RPA2: variants seen among roughly 807,000 people sequenced by gnomAD.
RPA2 encodes the protein replication protein A2.
Under a neutral mutation model 33.4 loss-of-function variants are expected in RPA2, and 22 were observed. That is an observed-to-expected ratio of 0.66 (90% CI 0.47 to 0.94). The LOEUF is 0.94. Among genes scored for constraint, RPA2 ranks in the 40% least tolerant of loss-of-function variants. RPA2 has a pLI of 0.00. For synonymous variants in RPA2, 109 were observed against 114.9 expected (o/e 0.95, Z 0.33); for missense variants, 279 against 329.9 (o/e 0.85, Z 1.19).
At chr1:27,902,180 A>G (rs1051362546) in intron 4 of RPA2, among the ~76,000 whole-genome samples, 2 of 152,008 alleles carry the variant, frequency 1.3e-5, no homozygotes, top group African/African-American at 4.8e-5. Flanking sequence ...TCCATCTCCC[A>G]GGCTCAAGCA....
chr1:27,897,080 C>T lies in RPA2; in HGVS notation c.450G>A (p.Glu150=), dbSNP rs1381582098. 1.2e-6 allele frequency: 2 copies of T among 1,613,852 alleles called. No individual in the cohort carries two copies. The highest frequency in any genetic ancestry group is 1.6e-4 in the Middle Eastern group (1 of 6,062). ...SLVAFKIMPL[E]DMNEFTTHIL... is the part of the protein sequence containing the mutation. ...TATGTGTGGTGAACTCATTCATATC[C>T]TCCAGGGGCATGATCTTAAAGGCTA... Residue 150 remains glutamate, a synonymous_variant, in exon 6 of 9, where the codon GAG becomes GAA. Coordinates refer to ENST00000373912, the MANE Select transcript of RPA2 (RefSeq NM_002946.5).
chr1:27,914,092 G>A lies in RPA2; in HGVS notation c.88C>T (p.Pro30Ser), dbSNP rs199857202. The A allele has an allele frequency of 6.9e-6, 11 of 1,605,426 alleles. No individual in the cohort carries two copies. Among genetic ancestry groups the A allele is most frequent in the Non-Finnish European group, 9.3e-6 (11 of 1,176,694 alleles). The change falls in exon 2 of 9, where the codon CCC (proline) becomes TCC (serine). Residue 30 changes from proline to serine, a missense_variant. Transcript: ENST00000373912. ...TTCTTTTCGGCTTGAGAAGGTGCGGGCGATCCAAAGCCCCCCGGGGACTGC... is the reference window on the plus strand; with the variant it reads ...TTCTTTTCGGCTTGAGAAGGTGCGGACGATCCAAAGCCCCCCGGGGACTGC... ...YTQSPGGFGS[P>S]APSQAEKKSR...
At chr1:27,894,419 C>T in intron 6 of RPA2, 22 bp from the exon 7 acceptor site, 2 of 1,592,248 alleles carry the variant, frequency 1.3e-6, no homozygotes, top group South Asian at 2.2e-5. Flanking sequence ...AATAAGTTAG[C>T]AATATTAGAA....
At chr1:27,912,140 G>C (rs2090104831) in intron 2 of RPA2, among the ~76,000 whole-genome samples, 1 of 151,958 alleles carries the variant, frequency 6.6e-6, no homozygotes, top group South Asian at 2.1e-4. Flanking sequence ...AAATATACCA[G>C]AATATCATTG....
In RPA2 at chr1:27,904,845, T is replaced by G. The variant is rs531018126; in HGVS notation, c.333+2083A>C. Among the ~76,000 whole-genome samples the G allele has an allele frequency of 3.5e-4, 53 of 151,944 alleles. 1 individual carries two copies. Among genetic ancestry groups the G allele is most frequent in the African/African-American group, 1.2e-3 (48 of 41,414 alleles). ...TTTTGTATCATTAGTAGAGATGGAG[T>G]TTCATCACGTTGGCCAGGCTGGTTT... On this transcript the variant is annotated intron_variant, in intron 4 of 8. Transcript: ENST00000373912.
At chr1:27,896,966 C>T in intron 6 of RPA2, 39 bp downstream of exon 6, 1 of 1,477,160 alleles carries the variant, frequency 6.8e-7, no homozygotes, top group Non-Finnish European at 9.4e-7. Flanking sequence ...CTGTGTTCTT[C>T]CAGGGAAGAG....
At chr1:27,908,617 C>A (rs576462409) in intron 2 of RPA2, among the ~76,000 whole-genome samples, 2 of 152,036 alleles carry the variant, frequency 1.3e-5, no homozygotes, top group African/African-American at 4.8e-5. Context: ...TGTCTCAGCC[C>A]CCCCGAGTAG....
chr1:27,911,665 T>C (rs115343322), intron 2 of RPA2, among the ~76,000 whole-genome samples: 1,821 of 152,328 alleles, frequency 0.012, 15 homozygotes, highest in Middle Eastern at 0.024. Flanking sequence ...TTCAGCATCA[T>C]GTGCGTACTG....
At chr1:27,913,793 C>T (rs937250493) in intron 2 of RPA2, among the ~76,000 whole-genome samples, 5 of 151,938 alleles carry the variant, frequency 3.3e-5, no homozygotes, top group Non-Finnish European at 5.9e-5. Context: ...AAGTTGAGGG[C>T]GTTCACACAA....
At chr1:27,914,676 T>A (rs760201915), upstream of RPA2, 3 of 1,612,996 alleles carry the variant, frequency 1.9e-6, no homozygotes, top group Non-Finnish European at 2.5e-6. Flanking sequence ...AGAAAACGCG[T>A]ACTGCGCTCC....
chr1:27,914,111 G>A lies in RPA2; in HGVS notation c.69C>T (p.Ser23=). 6.2e-7 allele frequency: 1 copy of A among 1,610,180 alleles called. No individual in the cohort carries two copies. The change falls in exon 2 of 9, where the codon TCC becomes TCT. Residue 23 remains serine (S), a synonymous_variant. Coordinates refer to ENST00000373912, the MANE Select transcript of RPA2 (RefSeq NM_002946.5). Reference sequence around the variant, plus strand: ...GTGCGGGCGATCCAAAGCCCCCCGGGGACTGCGTGTAGCCGCCGGCTCCCC... The same window carrying A: ...GTGCGGGCGATCCAAAGCCCCCCGGAGACTGCGTGTAGCCGCCGGCTCCCC... ...SYGGAGGYTQ[S]PGGFGSPAPS...
chr1:27,895,831 G>T (rs2089884623), intron 6 of RPA2, among the ~76,000 whole-genome samples: 1 of 152,124 alleles, frequency 6.6e-6, no homozygotes, highest in South Asian at 2.1e-4. Flanking sequence ...CATATAATCT[G>T]GGCCCTGCCT....
intron 2 of RPA2, among the ~76,000 whole-genome samples, chr1:27,911,267 T>C (rs956778275): frequency 2.0e-5 from 3 of 151,892 alleles, no homozygotes; most frequent in Admixed American, 6.6e-5. Context: ...GGCTCATGCC[T>C]GTAATACCAG....
In RPA2 at chr1:27,894,398, C is replaced by G. The variant is rs1343576212; in HGVS notation, c.526-1G>C. ...TGATAGGTGCTCTCCCTGCTGAGGG[C>G]TGAATTAAGAAATAAGTTAGCAATA... On this transcript the variant is annotated splice_acceptor_variant, in intron 6 of 8. Transcript: ENST00000373912. LOFTEE classifies it high-confidence loss of function. 1.2e-6 allele frequency: 2 copies of G among 1,610,208 alleles called. No homozygotes were observed. Among genetic ancestry groups the G allele is most frequent in the Non-Finnish European group, 1.7e-6 (2 of 1,178,426 alleles).
chr1:27,912,888 C>T (rs1178331173), intron 2 of RPA2, among the ~76,000 whole-genome samples: 1 of 152,182 alleles, frequency 6.6e-6, no homozygotes, highest in East Asian at 1.9e-4. Context: ...AGAAATGTGT[C>T]CAGTGACACC....
chr1:27,906,535 C>G (rs2090030619), intron 4 of RPA2, among the ~76,000 whole-genome samples: 1 of 148,074 alleles, frequency 6.8e-6, no homozygotes, highest in African/African-American at 2.5e-5. Flanking sequence ...AGTAAAAATA[C>G]AAAAATTAGC....
chr1:27,893,462 T>C (rs901507286), intron 8 of RPA2, among the ~76,000 whole-genome samples: 5 of 151,988 alleles, frequency 3.3e-5, no homozygotes, highest in African/African-American at 7.3e-5. Context: ...TGCGCCACTG[T>C]GCCCGGCTAA....
intron 2 of RPA2, among the ~76,000 whole-genome samples, chr1:27,911,500 A>G (rs969055413): frequency 9.8e-5 from 15 of 152,370 alleles, no homozygotes; most frequent in African/African-American, 3.6e-4. Context: ...AAAATAGTTA[A>G]GCTTGGGAAG....
Position 27,897,093 on chromosome 1 carries a change from A to T in RPA2, c.437T>A (p.Ile146Asn). Residue 146 changes from isoleucine (I) to asparagine (N), a missense_variant, in exon 6 of 9, where the codon ATC (isoleucine) becomes AAC (asparagine). Ile to Asn is a moderately radical substitution (Grantham distance 149). Around this residue, in one of 2 missense-constraint regions of RPA2, gnomAD observed 274 missense variants for 310.3 expected, o/e 0.88. Transcript: ENST00000373912. ...QNKKSLVAFK[I>N]MPLEDMNEFT... ...CTCATTCATATCCTCCAGGGGCATGATCTTAAAGGCTACCAGGCTCTTTTT... is the reference window on the plus strand; with the variant it reads ...CTCATTCATATCCTCCAGGGGCATGTTCTTAAAGGCTACCAGGCTCTTTTT... 6.2e-7 allele frequency: 1 copy of T among 1,613,672 alleles called. No homozygotes were observed. Among genetic ancestry groups the T allele is most frequent in the Non-Finnish European group, 8.5e-7 (1 of 1,179,826 alleles).
Sources: allele counts gnomAD v4.1 joint callset (sites outside exome capture counted in the v4.1 genomes callset), GRCh38; gene constraint gnomAD v4.1.1; regional missense constraint gnomAD v4.1.1; transcripts MANE v1.5; gene names NCBI Gene and HGNC (gene_info 2026-07-23, HGNC 2026-07-21).